Variants in SHANK2 observed in about 807,000 individuals in gnomAD.
SHANK2 encodes SH3 and multiple ankyrin repeat domains protein 2.
A neutral mutation model predicts 133.7 loss-of-function variants in SHANK2; 43 were observed. That is an observed-to-expected ratio of 0.32 (90% CI 0.25 to 0.41). The LOEUF (loss-of-function observed/expected upper bound fraction) is 0.41. Among genes scored for constraint, SHANK2 ranks in the 10% least tolerant of loss-of-function variants. The probability of loss-of-function intolerance (pLI) is 1.00; values close to 1 mark genes in which losing one functional copy is unlikely to be tolerated. For missense variants in SHANK2, 1,994 were observed against 2,235.8 expected (o/e 0.89, Z 2.18); for synonymous variants, 1,017 against 952.8 (o/e 1.07, Z -1.24).
chr11:70,843,744 G>T (rs1948952046), intron 11 of SHANK2, among the ~76,000 whole-genome samples: 2 of 152,078 alleles, frequency 1.3e-5, no homozygotes, highest in African/African-American at 4.8e-5. Flanking sequence ...CCCACCTGCA[G>T]GGCTCTCTGC....
At chr11:70,491,191 G>A (rs932875490) in intron 22 of SHANK2, among the ~76,000 whole-genome samples, 16 of 152,264 alleles carry the variant, frequency 1.1e-4, no homozygotes, top group Admixed American at 2.6e-4. Flanking sequence ...AGATGCGGAC[G>A]CTCAATGGAA....
chr11:70,719,138 C>T (rs1008882145), intron 14 of SHANK2, among the ~76,000 whole-genome samples: 51 of 152,206 alleles, frequency 3.4e-4, no homozygotes, highest in South Asian at 2.1e-4. Flanking sequence ...GCGCAGTGAA[C>T]GCTGCCTGGG....
At chr11:70,840,838 G>C (rs1036722091) in intron 11 of SHANK2, among the ~76,000 whole-genome samples, 1 of 152,110 alleles carries the variant, frequency 6.6e-6, no homozygotes, top group South Asian at 2.1e-4. Context: ...TCCCAGCACC[G>C]GGCACTTCTA....
At chr11:70,680,295 T>G (rs1944999398) in intron 15 of SHANK2, among the ~76,000 whole-genome samples, 1 of 152,166 alleles carries the variant, frequency 6.6e-6, no homozygotes, top group African/African-American at 2.4e-5. Context: ...TAACACAAAC[T>G]TGGCAGCTAG....
intron 11 of SHANK2, among the ~76,000 whole-genome samples, chr11:70,874,769 T>C (rs1949530195): frequency 6.7e-6 from 1 of 149,774 alleles, no homozygotes; most frequent in African/African-American, 2.5e-5. Context: ...AGTGGCTACC[T>C]AGAATGACAG....
In SHANK2 at chr11:71,175,720, C is replaced by T. The variant is rs546767448; in HGVS notation, c.-12-28382G>A. ...CCAAAATATGTAAAAAGAAAAATAA[C>T]ATATATTTTCAAAGTATAGGACAGG... On this transcript the variant is annotated intron_variant, in intron 2 of 25. Coordinates refer to ENST00000601538, the MANE Select transcript of SHANK2 (RefSeq NM_012309.5). This position sits in a 1 kb window ranked among gnomAD's most constrained non-coding sequence, Gnocchi z 4.2. Among the ~76,000 whole-genome samples, 1 of 152,190 alleles carries T rather than the reference C, an allele frequency of 6.6e-6. No individual in the cohort carries two copies. The highest frequency in any genetic ancestry group is 2.4e-5 in the African/African-American group (1 of 41,538).
At chr11:70,865,166 T>C (rs1253357928) in intron 11 of SHANK2, 2 of 152,160 alleles carry the variant, frequency 1.3e-5, no homozygotes, top group African/African-American at 4.8e-5. Context: ...GGCTAAGACC[T>C]TCCTCCTTGG....
At chr11:71,150,798 C>T (rs1276593169) in intron 2 of SHANK2, among the ~76,000 whole-genome samples, 1 of 152,098 alleles carries the variant, frequency 6.6e-6, no homozygotes, top group African/African-American at 2.4e-5. Flanking sequence ...AGGAACTTCT[C>T]ACCCTGTGTT....
At chr11:70,596,364 A>G (rs555291655) in intron 17 of SHANK2, among the ~76,000 whole-genome samples, 1 of 150,352 alleles carries the variant, frequency 6.7e-6, no homozygotes, top group African/African-American at 2.5e-5. Flanking sequence ...AAGGAGCCAC[A>G]GGCACCAGGC....
At chr11:71,117,521 A>T (rs1168407243) in intron 4 of SHANK2, among the ~76,000 whole-genome samples, 1 of 152,166 alleles carries the variant, frequency 6.6e-6, no homozygotes, top group African/African-American at 2.4e-5. Context: ...GGCCGGAAGG[A>T]TCAGACTATG....
intron 17 of SHANK2, among the ~76,000 whole-genome samples, chr11:70,608,922 T>A (rs1430061930): frequency 6.6e-6 from 1 of 152,202 alleles, no homozygotes; most frequent in Admixed American, 6.5e-5. Context: ...AATAACGAGA[T>A]AATGGAAACA....
At chr11:70,570,175 C>T (rs1316246462) in intron 17 of SHANK2, among the ~76,000 whole-genome samples, 1 of 152,212 alleles carries the variant, frequency 6.6e-6, no homozygotes, top group East Asian at 1.9e-4. Flanking sequence ...GCCGAGAGTC[C>T]TGGAGAAAGT....
At position 70,820,350 on chromosome 11, in the gene SHANK2, C is replaced by T; in HGVS notation, c.1493+14G>A. On this transcript the variant is annotated intron_variant, in intron 12 of 25. Coordinates refer to ENST00000601538, the MANE Select transcript of SHANK2 (RefSeq NM_012309.5). ...GTGGCGGTCTTCCTTCCCTTGGCGT[C>T]TGCCACTCCTTACCCGACATGCCAG... 3.3e-6 allele frequency: 2 copies of T among 608,834 alleles called. No homozygotes were observed. The highest frequency in any genetic ancestry group is 5.8e-5 in the East Asian group (2 of 34,402). 37.7% of individuals were successfully genotyped at this position (608,834 alleles called of 1,614,324 possible).
intron 17 of SHANK2, among the ~76,000 whole-genome samples, chr11:70,617,296 TGAGA>T (rs553531054): frequency 4.4e-4 from 64 of 145,684 alleles, no homozygotes; most frequent in East Asian, 2.7e-3. Flanking sequence ...TGTCAGTGCC[TGAGA>T]GAGTATGTGT....
At chr11:70,577,937 G>A (rs1301662491) in intron 17 of SHANK2, among the ~76,000 whole-genome samples, 1 of 152,242 alleles carries the variant, frequency 6.6e-6, no homozygotes, top group Non-Finnish European at 1.5e-5. Flanking sequence ...GGGATGACCT[G>A]TGAGGGGACA....
intron 8 of SHANK2, among the ~76,000 whole-genome samples, chr11:71,078,422 C>T (rs1423082516): frequency 4.6e-5 from 7 of 152,232 alleles, no homozygotes; most frequent in African/African-American, 9.6e-5. Flanking sequence ...CATTTAGCAA[C>T]CATAATAGCA....
chr11:71,171,670 C>G (rs1010915283), intron 2 of SHANK2, among the ~76,000 whole-genome samples: 1 of 152,276 alleles, frequency 6.6e-6, no homozygotes, highest in East Asian at 1.9e-4. Flanking sequence ...TGCCTCCAGT[C>G]CCCTCAGACT....
At chr11:70,712,740 G>A (rs948989698) in intron 14 of SHANK2, among the ~76,000 whole-genome samples, 1 of 152,194 alleles carries the variant, frequency 6.6e-6, no homozygotes. Flanking sequence ...GGCTAAAAGC[G>A]CCCAGCTCTG....
intron 14 of SHANK2, among the ~76,000 whole-genome samples, chr11:70,747,883 T>G (rs1484626714): frequency 6.6e-6 from 1 of 152,208 alleles, no homozygotes; most frequent in East Asian, 1.9e-4. Flanking sequence ...GCACACATGA[T>G]GTACATATAG....
Sources: gnomAD v4.1 joint callset for allele counts (sites outside exome capture counted in the v4.1 genomes callset) on GRCh38, gnomAD v4.1.1 for gene constraint, Gnocchi (gnomAD v3.1) non-coding constraint, MANE v1.5 for transcripts, NCBI Gene and HGNC (gene_info 2026-07-23, HGNC 2026-07-21) for gene names.